Variants in FER1L5 observed in about 807,000 individuals in gnomAD.
FER1L5 encodes the protein fer-1 like family member 5, also known as fer-1-like protein 5.
FER1L5 carries 187 observed loss-of-function variants against 279.9 expected under a neutral mutation model. The observed-to-expected ratio is 0.67, with a 90% CI of 0.59 to 0.75. The LOEUF (loss-of-function observed/expected upper bound fraction) is 0.75, where lower values mean the gene tolerates loss of function less well. Among genes scored for constraint, FER1L5 ranks in the 30% least tolerant of loss-of-function variants. The pLI is 0.00. For synonymous variants in FER1L5, 921 were observed against 989.7 expected (o/e 0.93, Z 1.30); for missense variants, 2,091 against 2,594.4 (o/e 0.81, Z 4.21).
At chr2:96,651,283 CTTTCT>C (rs2075363463) in intron 6 of FER1L5, among the ~76,000 whole-genome samples, 3 of 144,382 alleles carry the variant, frequency 2.1e-5, no homozygotes, top group African/African-American at 7.6e-5. Context: ...TTCTTTCTTT[CTTTCT>C]TTCTTTCTTT....
chr2:96,684,265 T>C, intron 19 of FER1L5, 62 bp from the exon 20 acceptor site: 2 of 1,527,626 alleles, frequency 1.3e-6, no homozygotes, highest in Non-Finnish European at 1.8e-6. Context: ...GGGAGCACAG[T>C]GAGAAGAGAC....
chr2:96,703,723 A>T, intron 51 of FER1L5, 91 bp downstream of exon 51: 1 of 1,087,370 alleles, frequency 9.2e-7, no homozygotes, highest in South Asian at 1.3e-5. Context: ...GAGAGGTGGT[A>T]ATTACCTCCC....
chr2:96,657,887 G>A (rs1573806685), intron 9 of FER1L5, among the ~76,000 whole-genome samples: 2 of 152,168 alleles, frequency 1.3e-5, no homozygotes, highest in Non-Finnish European at 1.5e-5. Context: ...TCCAGTCTGA[G>A]GCTGCTATAT....
Position 96,668,787 on chromosome 2 carries a change from T to C in FER1L5, c.1177T>C (p.Leu393=), listed in dbSNP as rs760742686. The C allele has an allele frequency of 9.2e-5, 142 of 1,551,536 alleles. No individual in the cohort carries two copies. Among genetic ancestry groups the C allele is most frequent in the Non-Finnish European group, 5.3e-5 (61 of 1,146,996 alleles). Residue 393 remains leucine, a synonymous_variant, in exon 15 of 53, where the codon TTG becomes CTG. Transcript: ENST00000624922. ...CLSSYIKFRV[L]DCRKKDCPDE... is the part of the protein sequence containing the mutation. ...CTCCAGCTACATCAAGTTCAGAGTC[T>C]TGGACTGGTGAGCAACCTGGTGGAG... is the stretch of plus-strand genomic sequence containing the variant.
rs949553646 is a variant in FER1L5, at chr2:96,662,250, G to C, written c.1054G>C (p.Glu352Gln). Residue 352 changes from glutamate to glutamine, a missense_variant, in exon 13 of 53, where the codon GAA becomes CAA. Coordinates refer to ENST00000624922, the MANE Select transcript of FER1L5 (RefSeq NM_001293083.2). ...HQSVNPQLEV[E>Q]LIGEKLRTHM... ...GTCAGTGAATCCTCAGTTGGAGGTGGAACTAATTGGGGAAAAGGTAAGTGT... is the reference window on the plus strand; with the variant it reads ...GTCAGTGAATCCTCAGTTGGAGGTGCAACTAATTGGGGAAAAGGTAAGTGT... The C allele has an allele frequency of 6.4e-7, 1 of 1,551,468 alleles. No individual in the cohort carries two copies. The highest frequency in any genetic ancestry group is 8.7e-7 in the Non-Finnish European group (1 of 1,146,934).
chr2:96,691,933 A>C lies in FER1L5; in HGVS notation c.3184A>C (p.Asn1062His). The change falls in exon 30 of 53, where the codon AAC (asparagine) becomes CAC (histidine). Residue 1062 changes from asparagine (N) to histidine (H), a missense_variant. Asn to His is a moderately conservative substitution (Grantham distance 68). Transcript: ENST00000624922. The surrounding 1 kb of genome is among the most constrained non-coding windows in gnomAD (Gnocchi z 6.0). ...DPQRQDTRPP[N>H]LPFIYCTFNK... is the part of the protein sequence containing the mutation. ...CCAGAGGCAGGACACCCGGCCCCCC[A>C]ACTTGCCCTTCATCTACTGCACCTT... The C allele has an allele frequency of 6.5e-7, 1 of 1,540,408 alleles. No homozygotes were observed. Among genetic ancestry groups the C allele is most frequent in the Non-Finnish European group, 8.8e-7 (1 of 1,141,504 alleles).
intron 37 of FER1L5, among the ~76,000 whole-genome samples, chr2:96,696,671 C>T (rs1313569274): frequency 6.6e-6 from 1 of 151,232 alleles, no homozygotes; most frequent in Non-Finnish European, 1.5e-5. Flanking sequence ...GAGGCTGAGG[C>T]GGGCATGTTA....
Position 96,694,115 on chromosome 2 carries a change from G to C in FER1L5, c.3636+43G>C. 6.6e-7 allele frequency: 1 copy of C among 1,508,726 alleles called. No homozygotes were observed. The highest frequency in any genetic ancestry group is 8.8e-7 in the Non-Finnish European group (1 of 1,131,698). 93.5% of individuals were successfully genotyped at this position (1,508,726 alleles called of 1,614,324 possible). A position where few individuals can be genotyped will look rare whatever the true frequency, so the allele number is the denominator to read the frequency against. ...CTGGCTGGGAAGTGTGGCACTCAGTGCCCCTCCCCGTCCCACCCCCAGCCA... is the reference window on the plus strand; with the variant it reads ...CTGGCTGGGAAGTGTGGCACTCAGTCCCCCTCCCCGTCCCACCCCCAGCCA... On this transcript the variant is annotated intron_variant, in intron 33 of 52. Coordinates refer to ENST00000624922, the MANE Select transcript of FER1L5 (RefSeq NM_001293083.2). This position sits in a 1 kb window ranked among gnomAD's most constrained non-coding sequence, Gnocchi z 4.6.
intron 19 of FER1L5, among the ~76,000 whole-genome samples, chr2:96,681,822 C>T (rs2076739845): frequency 6.9e-6 from 1 of 145,456 alleles, no homozygotes; most frequent in Admixed American, 6.8e-5. Context: ...AGGAGTCTCA[C>T]TTTGTTGCCC....
At chr2:96,687,704 C>T in intron 23 of FER1L5, 112 bp from the exon 24 acceptor site, 3 of 1,473,662 alleles carry the variant, frequency 2.0e-6, no homozygotes, top group Non-Finnish European at 2.7e-6. Context: ...CAGTGAGGGC[C>T]CCGCTCCCAG....
At chr2:96,690,386 T>C (rs1459252630) in intron 26 of FER1L5, 101 bp from the exon 27 acceptor site, 3 of 1,061,628 alleles carry the variant, frequency 2.8e-6, no homozygotes, top group African/African-American at 3.1e-5. Flanking sequence ...GGGAGGCTGC[T>C]GCGGCCACAG....
chr2:96,679,965 C>T (rs1220114361), intron 19 of FER1L5, among the ~76,000 whole-genome samples: 1 of 152,122 alleles, frequency 6.6e-6, no homozygotes, highest in Non-Finnish European at 1.5e-5. Context: ...TCATAAGCTC[C>T]TGAGCTCCTT....
chr2:96,651,352 T>TTTTC (rs1489897748), intron 6 of FER1L5, among the ~76,000 whole-genome samples: 6 of 150,708 alleles, frequency 4.0e-5, no homozygotes, highest in Admixed American at 1.3e-4. Context: ...CTTTCTTTCT[T>TTTTC]TTTCTTTCTT....
At chr2:96,668,416 C>T (rs1573852467) in intron 14 of FER1L5, among the ~76,000 whole-genome samples, 1 of 152,038 alleles carries the variant, frequency 6.6e-6, no homozygotes, top group South Asian at 2.1e-4. Flanking sequence ...TGCCTGTAGT[C>T]CCAGCTACTC....
chr2:96,699,290 CA>C (rs1264102467), intron 42 of FER1L5, among the ~76,000 whole-genome samples, 154 bp downstream of exon 42: 1 of 152,162 alleles, frequency 6.6e-6, no homozygotes. Flanking sequence ...AGATAGAAGA[CA>C]AATATATGGG....
At position 96,693,570 on chromosome 2, in the gene FER1L5, AG is replaced by A; in HGVS notation, c.3359del (p.Gly1120AlafsTer66). 1 of 1,551,530 alleles carries A rather than the reference AG, an allele frequency of 6.4e-7. No individual in the cohort carries two copies. Among genetic ancestry groups the A allele is most frequent in the Non-Finnish European group, 8.7e-7 (1 of 1,146,946 alleles). On this transcript the variant is annotated frameshift_variant, in exon 32 of 53. Coordinates refer to ENST00000624922, the MANE Select transcript of FER1L5 (RefSeq NM_001293083.2). LOFTEE classifies it high-confidence loss of function. ...GCACCCAAACCCTGAGGAGCTCTGC[AG>A]GCCCCACATGGGCCCAGACACTCAT... is the stretch of plus-strand genomic sequence containing the variant. ...QCTQTLRSSA[G>X]PTWAQTLIFQ...
Position 96,689,494 on chromosome 2 carries a change from G to A in FER1L5, c.2525+118G>A, listed in dbSNP as rs2106634874. On this transcript the variant is annotated intron_variant, in intron 25 of 52. Transcript: ENST00000624922. The surrounding 1 kb of genome is among the most constrained non-coding windows in gnomAD (Gnocchi z 4.6). ...AAGCCTGGTGCCAGAGGGCCGAGGT[G>A]CACCAGGCCAAGGGCCCTGCCCACC... is the stretch of plus-strand genomic sequence containing the variant. The A allele has an allele frequency of 3.4e-6, 5 of 1,482,918 alleles. No individual in the cohort carries two copies. The East Asian group carries it at 9.9e-5, about 29-fold the overall frequency. The allele number at this position is 1,482,918 out of a possible 1,614,324, so 91.9% of individuals were successfully genotyped here. A position where few individuals can be genotyped will look rare whatever the true frequency, so the allele number is the denominator to read the frequency against.
At chr2:96,675,564 T>C (rs2076481353) in intron 19 of FER1L5, among the ~76,000 whole-genome samples, 1 of 152,156 alleles carries the variant, frequency 6.6e-6, no homozygotes, top group South Asian at 2.1e-4. Context: ...GTAGCTGGGA[T>C]TACAGGCGCC....
intron 17 of FER1L5, among the ~76,000 whole-genome samples, chr2:96,669,679 T>A (rs1171570989): frequency 6.6e-6 from 1 of 152,084 alleles, no homozygotes. Context: ...CCTCATTCCC[T>A]CCTGCCTCAG....
Sources: gnomAD v4.1 joint callset for allele counts (sites outside exome capture counted in the v4.1 genomes callset) on GRCh38, gnomAD v4.1.1 for gene constraint, Gnocchi (gnomAD v3.1) non-coding constraint, MANE v1.5 for transcripts, NCBI Gene and HGNC (gene_info 2026-07-23, HGNC 2026-07-21) for gene names.